CACNA2D3: variants seen among roughly 807,000 people sequenced by gnomAD.
CACNA2D3 encodes the protein calcium voltage-gated channel auxiliary subunit alpha2delta 3.
CACNA2D3 carries 60 observed loss-of-function variants against 160.6 expected under a neutral mutation model. That is an observed-to-expected ratio of 0.37 (90% CI 0.30 to 0.46). The LOEUF (loss-of-function observed/expected upper bound fraction) is 0.46. Ranked by LOEUF, CACNA2D3 falls within the 20% of genes least tolerant of loss-of-function variation. The probability of loss-of-function intolerance (pLI) is 1.00; values close to 1 mark genes in which losing one functional copy is unlikely to be tolerated. For synonymous variants in CACNA2D3, 558 were observed against 492.9 expected (o/e 1.13, Z -1.75); for missense variants, 1,205 against 1,365.0 (o/e 0.88, Z 1.85).
At chr3:54,509,642 C>T (rs749136959) in intron 5 of CACNA2D3, among the ~76,000 whole-genome samples, 17 of 152,086 alleles carry the variant, frequency 1.1e-4, no homozygotes, top group Non-Finnish European at 2.4e-4. Context: ...GAAACTTTCC[C>T]AAGATGTAGT....
intron 2 of CACNA2D3, among the ~76,000 whole-genome samples, chr3:54,219,063 A>T (rs979369182): frequency 6.6e-6 from 1 of 152,208 alleles, no homozygotes. Context: ...GGTGCCCTCC[A>T]CAGTTAGTGA....
intron 4 of CACNA2D3, among the ~76,000 whole-genome samples, chr3:54,446,325 G>C (rs1043458358): frequency 6.6e-6 from 1 of 152,104 alleles, no homozygotes; most frequent in African/African-American, 2.4e-5. Context: ...AATCCATAGA[G>C]CATAGAGAGG....
chr3:54,644,233 A>T (rs1699588082), intron 11 of CACNA2D3, among the ~76,000 whole-genome samples: 1 of 152,120 alleles, frequency 6.6e-6, no homozygotes, highest in Non-Finnish European at 1.5e-5. Context: ...TCTTGGATTA[A>T]TTGAAACCAG....
chr3:54,607,799 T>C (rs892870967), intron 9 of CACNA2D3, among the ~76,000 whole-genome samples: 2 of 152,214 alleles, frequency 1.3e-5, no homozygotes, highest in African/African-American at 2.4e-5. Flanking sequence ...GCAGTTTTCA[T>C]TGTAACCACC....
At chr3:54,996,722 T>A (rs1702866365) in intron 31 of CACNA2D3, among the ~76,000 whole-genome samples, 1 of 152,198 alleles carries the variant, frequency 6.6e-6, no homozygotes, top group Non-Finnish European at 1.5e-5. Flanking sequence ...GTGTCCAGAC[T>A]GGTACTAAGC....
At chr3:54,866,884 C>T (rs1175502399) in intron 17 of CACNA2D3, among the ~76,000 whole-genome samples, 1 of 152,172 alleles carries the variant, frequency 6.6e-6, no homozygotes, top group Non-Finnish European at 1.5e-5. Context: ...GTGTGTTCCC[C>T]ACATCTGGCC....
intron 11 of CACNA2D3, among the ~76,000 whole-genome samples, chr3:54,750,830 C>T (rs1320694113): frequency 7.3e-5 from 11 of 150,774 alleles, no homozygotes; most frequent in East Asian, 5.9e-4. Flanking sequence ...AGTGCAGTGG[C>T]GCAAACTCGG....
At chr3:54,604,110 T>A (rs1176609950) in intron 9 of CACNA2D3, among the ~76,000 whole-genome samples, 2 of 152,220 alleles carry the variant, frequency 1.3e-5, no homozygotes, top group Non-Finnish European at 2.9e-5. Flanking sequence ...GTTTAATTCC[T>A]TAGGATATGG....
chr3:54,350,437 C>T (rs930850264), intron 3 of CACNA2D3, among the ~76,000 whole-genome samples: 1 of 152,134 alleles, frequency 6.6e-6, no homozygotes, highest in Non-Finnish European at 1.5e-5. Flanking sequence ...TGGCCTTTCT[C>T]TCTCTGGGCT....
At chr3:54,377,905 A>G (rs185542067) in intron 3 of CACNA2D3, among the ~76,000 whole-genome samples, 1 of 152,228 alleles carries the variant, frequency 6.6e-6, no homozygotes, top group Admixed American at 6.5e-5. Flanking sequence ...TCTCTGCAGG[A>G]CAGACTTCCT....
At chr3:54,723,472 G>C (rs1701214553) in intron 11 of CACNA2D3, among the ~76,000 whole-genome samples, 1 of 152,166 alleles carries the variant, frequency 6.6e-6, no homozygotes, top group African/African-American at 2.4e-5. Context: ...TTCGGTGTCT[G>C]CCCAAATGGC....
intron 8 of CACNA2D3, among the ~76,000 whole-genome samples, chr3:54,575,878 C>T (rs1347827118): frequency 1.3e-5 from 2 of 152,108 alleles, no homozygotes; most frequent in Non-Finnish European, 2.9e-5. Flanking sequence ...ATCCCCCTAC[C>T]CCAGCCCCTA....
intron 2 of CACNA2D3, among the ~76,000 whole-genome samples, chr3:54,199,101 T>C (rs1701130638): frequency 6.6e-6 from 1 of 152,248 alleles, no homozygotes; most frequent in African/African-American, 2.4e-5. Context: ...CTAATGATTG[T>C]ATGCCCTATT....
chr3:54,394,423 C>T lies in CACNA2D3; in HGVS notation c.381+7649C>T, dbSNP rs1223985218. The stretch of plus-strand genomic sequence containing the variant: ...CATGCTGGTGCGCTGCACCCACTAA[C>T]GTGTCATCTAGCATTAGGTATATCT... On this transcript the variant is annotated intron_variant, in intron 4 of 37. Transcript: ENST00000474759. Among the ~76,000 whole-genome samples the T allele has an allele frequency of 4.1e-5, 6 of 147,858 alleles. No homozygotes were observed. In the South Asian group the frequency reaches 6.6e-4, roughly 16 times the overall value.
intron 3 of CACNA2D3, among the ~76,000 whole-genome samples, chr3:54,383,356 C>G (rs1328368373): frequency 6.6e-6 from 1 of 152,162 alleles, no homozygotes. Context: ...AAAATGTAGG[C>G]CTGTCTCCTA....
intron 13 of CACNA2D3, among the ~76,000 whole-genome samples, chr3:54,805,219 A>G (rs1477675153): frequency 2.0e-5 from 3 of 152,326 alleles, no homozygotes; most frequent in Admixed American, 2.0e-4. Context: ...AACTGAAGGA[A>G]ATAGAGACAC....
intron 27 of CACNA2D3, among the ~76,000 whole-genome samples, chr3:54,944,343 C>T (rs1203194450): frequency 6.6e-6 from 1 of 151,908 alleles, no homozygotes; most frequent in African/African-American, 2.4e-5. Flanking sequence ...ATATATCTTT[C>T]TACTTTTAAA....
chr3:54,451,649 G>A (rs992309818), intron 4 of CACNA2D3, among the ~76,000 whole-genome samples: 1 of 152,002 alleles, frequency 6.6e-6, no homozygotes, highest in African/African-American at 2.4e-5. Context: ...TTTGCTAACT[G>A]GATAGACTGA....
chr3:54,245,456 A>G lies in CACNA2D3; in HGVS notation c.205-74986A>G, dbSNP rs1702054906. ...ACAGTCCTGGCTCTCATGGTGGCTC[A>G]TGTTCAAGGGTTGAGGCTTTTGACC... On this transcript the variant is annotated intron_variant, in intron 2 of 37. Transcript: ENST00000474759. Among the ~76,000 whole-genome samples, 4 of 152,090 alleles carry G rather than the reference A, an allele frequency of 2.6e-5. No individual in the cohort carries two copies. The South Asian group carries it at 6.2e-4, about 24-fold the overall frequency.
Sources: allele counts gnomAD v4.1 joint callset (sites outside exome capture counted in the v4.1 genomes callset), GRCh38; gene constraint gnomAD v4.1.1; transcripts MANE v1.5; gene names NCBI Gene and HGNC (gene_info 2026-07-23, HGNC 2026-07-21).